AGBL4: variants seen among roughly 807,000 people sequenced by gnomAD.
The protein encoded by AGBL4 is AGBL carboxypeptidase 4, also known as cytosolic carboxypeptidase 6.
In AGBL4, 58 loss-of-function variants were observed where a neutral mutation model predicts 66.4. That is an observed-to-expected ratio of 0.87 (90% CI 0.71 to 1.09). The LOEUF (loss-of-function observed/expected upper bound fraction) is 1.09. Ranked by LOEUF, AGBL4 falls within the 50% of genes least tolerant of loss-of-function variation. The pLI, the probability that AGBL4 is intolerant of heterozygous loss-of-function variation, is 0.00. For synonymous variants in AGBL4, 234 were observed against 222.9 expected (o/e 1.05, Z -0.44); for missense variants, 579 against 631.0 (o/e 0.92, Z 0.88).
intron 3 of AGBL4, among the ~76,000 whole-genome samples, chr1:49,389,873 T>G (rs1323869743): frequency 6.6e-6 from 1 of 152,188 alleles, no homozygotes; most frequent in Non-Finnish European, 1.5e-5. Context: ...CTTCACTAGC[T>G]TGACTTACAT....
rs1434060002 is a variant in AGBL4, at chr1:48,959,106, T to C, written c.594+86478A>G. Among the ~76,000 whole-genome samples, 3 of 152,190 alleles carry C rather than the reference T, an allele frequency of 2.0e-5. No individual in the cohort carries two copies. The East Asian group carries it at 5.8e-4, about 29-fold the overall frequency. On this transcript the variant is annotated intron_variant, in intron 5 of 13. Coordinates refer to ENST00000371839, the MANE Select transcript of AGBL4 (RefSeq NM_032785.4). ...CCATTTTGTGAGGGAGGCATCTGGA[T>C]AGCGTAGGAAGAGCACAGGAATGAT...
intron 3 of AGBL4, among the ~76,000 whole-genome samples, chr1:49,568,079 C>G (rs991973743): frequency 1.3e-5 from 2 of 152,058 alleles, no homozygotes; most frequent in Admixed American, 1.3e-4. Flanking sequence ...CTCTCTCATC[C>G]CTCCTGTTAG....
chr1:48,679,992 T>C (rs1460183001), intron 6 of AGBL4, among the ~76,000 whole-genome samples: 1 of 152,194 alleles, frequency 6.6e-6, no homozygotes, highest in African/African-American at 2.4e-5. Flanking sequence ...TCTCCCTTTA[T>C]GTTCACTCCT....
intron 3 of AGBL4, among the ~76,000 whole-genome samples, chr1:49,637,309 T>C (rs1244795496): frequency 6.6e-6 from 1 of 152,176 alleles, no homozygotes; most frequent in Non-Finnish European, 1.5e-5. Context: ...TTTTTATTTT[T>C]ATTTTTTTTG....
chr1:48,763,316 GGTTAGGCAT>G, intron 6 of AGBL4, among the ~76,000 whole-genome samples: 1 of 152,288 alleles, frequency 6.6e-6, no homozygotes, highest in South Asian at 2.1e-4. Flanking sequence ...ACATCCAATG[GGTTAGGCAT>G]GAACAACAAT....
intron 2 of AGBL4, among the ~76,000 whole-genome samples, chr1:49,727,223 GAAGT>G (rs1344805668): frequency 2.6e-5 from 4 of 152,068 alleles, no homozygotes; most frequent in African/African-American, 4.8e-5. Context: ...AACAATGTAT[GAAGT>G]AAAATTTTTA....
At chr1:49,128,525 G>C (rs574097725) in intron 4 of AGBL4, among the ~76,000 whole-genome samples, 29 of 152,126 alleles carry the variant, frequency 1.9e-4, no homozygotes, top group Non-Finnish European at 1.5e-4. Context: ...CGATGGAACA[G>C]AGTCGAGCTC....
intron 3 of AGBL4, among the ~76,000 whole-genome samples, chr1:49,249,055 G>A (rs1288378285): frequency 6.6e-6 from 1 of 152,110 alleles, no homozygotes; most frequent in Non-Finnish European, 1.5e-5. Context: ...TCCATTCCAG[G>A]TATAGGCCAA....
intron 4 of AGBL4, among the ~76,000 whole-genome samples, chr1:49,141,787 T>A (rs762474399): frequency 1.3e-4 from 20 of 152,196 alleles, no homozygotes; most frequent in Non-Finnish European, 2.4e-4. Flanking sequence ...AGGAGTAGTA[T>A]CTGCATCAGA....
At chr1:48,649,277 A>G (rs1450492188) in intron 8 of AGBL4, among the ~76,000 whole-genome samples, 1 of 152,206 alleles carries the variant, frequency 6.6e-6, no homozygotes, top group Non-Finnish European at 1.5e-5. Flanking sequence ...ATATATTGCG[A>G]TCCCTGGGAA....
At chr1:49,281,275 C>A (rs1030292745) in intron 3 of AGBL4, among the ~76,000 whole-genome samples, 2 of 152,180 alleles carry the variant, frequency 1.3e-5, no homozygotes, top group African/African-American at 4.8e-5. Context: ...AAATTAATTA[C>A]TCACATGATG....
Position 49,295,947 on chromosome 1 carries a change from A to G in AGBL4, c.283-50083T>C, listed in dbSNP as rs1644635833. 2.0e-5 allele frequency among the ~76,000 whole-genome samples: 3 copies of G among 152,170 alleles called. No homozygotes were observed. In the South Asian group the frequency reaches 6.2e-4, roughly 32 times the overall value. On this transcript the variant is annotated intron_variant, in intron 3 of 13. Transcript: ENST00000371839. ...TCTAAAGCAAACTAAAGAAAGCCCA[A>G]ACATCACCCACTGATGACTTTCTGT...
At chr1:49,594,674 T>C (rs1644817787) in intron 3 of AGBL4, among the ~76,000 whole-genome samples, 1 of 152,238 alleles carries the variant, frequency 6.6e-6, no homozygotes, top group Admixed American at 6.5e-5. Context: ...GCTTCATCCA[T>C]GTTCCTGCAA....
chr1:48,523,839 G>A, the AGBL4 span, among the ~76,000 whole-genome samples: 1 of 152,108 alleles, frequency 6.6e-6, no homozygotes, highest in African/African-American at 2.4e-5. Flanking sequence ...TAGATGGTGT[G>A]GCCTGCTATA....
At chr1:48,810,373 A>T (rs996287219) in intron 6 of AGBL4, among the ~76,000 whole-genome samples, 4 of 152,216 alleles carry the variant, frequency 2.6e-5, no homozygotes, top group African/African-American at 9.6e-5. Context: ...TCCGTGCAAG[A>T]TGTGCCTGAT....
At chr1:49,090,494 C>T (rs1571421094) in intron 4 of AGBL4, among the ~76,000 whole-genome samples, 2 of 151,990 alleles carry the variant, frequency 1.3e-5, no homozygotes, top group Non-Finnish European at 2.9e-5. Flanking sequence ...ACAATAGCCA[C>T]AAAAGAATAA....
chr1:49,074,618 G>T (rs1644675680), intron 4 of AGBL4, among the ~76,000 whole-genome samples: 1 of 152,036 alleles, frequency 6.6e-6, no homozygotes, highest in Admixed American at 6.5e-5. Context: ...TAATAATTAT[G>T]AGCCCTCATT....
chr1:49,265,864 C>T (rs889620171), intron 3 of AGBL4, among the ~76,000 whole-genome samples: 1 of 151,812 alleles, frequency 6.6e-6, no homozygotes, highest in African/African-American at 2.4e-5. Flanking sequence ...CATATATGTG[C>T]ATGTATGTAT....
At chr1:48,689,735 T>A (rs1169207425) in intron 6 of AGBL4, among the ~76,000 whole-genome samples, 1 of 152,156 alleles carries the variant, frequency 6.6e-6, no homozygotes, top group Non-Finnish European at 1.5e-5. Context: ...AAGAGGCTAG[T>A]CAGATTTTAA....
Sources: gnomAD v4.1 joint callset for allele counts (sites outside exome capture counted in the v4.1 genomes callset) on GRCh38, gnomAD v4.1.1 for gene constraint, MANE v1.5 for transcripts, NCBI Gene and HGNC (gene_info 2026-07-23, HGNC 2026-07-21) for gene names.